PCDHA4: variants seen among roughly 807,000 people sequenced by gnomAD.
PCDHA4 encodes protocadherin alpha 4.
PCDHA4 carries 49 observed loss-of-function variants against 61.4 expected under a neutral mutation model. That is an observed-to-expected ratio of 0.80 (90% CI 0.63 to 1.01). The LOEUF is 1.01. Ranked by LOEUF, PCDHA4 falls within the 50% of genes least tolerant of loss-of-function variation. PCDHA4 has a pLI of 0.00. For missense variants in PCDHA4, 1,254 were observed against 1,235.8 expected (o/e 1.01, Z -0.22); for synonymous variants, 590 against 550.3 (o/e 1.07, Z -1.01).
chr5:140,892,304 G>A (rs1301333753), intron 1 of PCDHA4, among the ~76,000 whole-genome samples: 1 of 152,004 alleles, frequency 6.6e-6, no homozygotes, highest in East Asian at 1.9e-4. Context: ...AAATAATTTG[G>A]GGCTTATAAC....
intron 1 of PCDHA4, chr5:140,968,479 C>T (rs2096250195): frequency 1.2e-6 from 2 of 1,614,010 alleles, no homozygotes; most frequent in South Asian, 2.2e-5. Flanking sequence ...ATGTGGTGGA[C>T]ATGAATGACC....
Position 140,807,398 on chromosome 5 carries a change from C to G in PCDHA4, c.211C>G (p.Arg71Gly). Residue 71 changes from arginine to glycine, a missense_variant, in exon 1 of 4, where the codon CGC becomes GGC. Arg to Gly is a moderately radical substitution (Grantham distance 125). Transcript: ENST00000530339. ...PRLFRVASKG[R>G]GGLLEVNLQN... ...CCTGTTCCGGGTGGCGTCCAAGGGC[C>G]GCGGAGGCCTTCTGGAGGTAAATCT... is the stretch of plus-strand genomic sequence containing the variant. 2.0e-6 allele frequency: 3 copies of G among 1,498,068 alleles called. 1 individual carries two copies. The highest frequency in any genetic ancestry group is 2.7e-6 in the Non-Finnish European group (3 of 1,094,234). 92.8% of individuals were successfully genotyped at this position (1,498,068 alleles called of 1,614,324 possible).
chr5:140,808,534 C>T lies in PCDHA4; in HGVS notation c.1347C>T (p.Asn449=), dbSNP rs782551225. 37 of 1,614,028 alleles carry T rather than the reference C, an allele frequency of 2.3e-5. No individual in the cohort carries two copies. The highest frequency in any genetic ancestry group is 3.1e-5 in the Non-Finnish European group (36 of 1,180,044). Residue 449 remains asparagine (N), a synonymous_variant, in exon 1 of 4, where the codon AAC becomes AAT. Transcript: ENST00000530339. ...TTTCTGTGGAGGTGGCTGATGTGAA[C>T]GACAACGCTCCGGCGTTCGCGCAGC... is the stretch of plus-strand genomic sequence containing the variant. ...ASVSVEVADV[N]DNAPAFAQPE... is the part of the protein sequence containing the mutation.
intron 1 of PCDHA4, among the ~76,000 whole-genome samples, chr5:140,907,040 G>A (rs781947448): frequency 1.4e-4 from 21 of 152,290 alleles, no homozygotes; most frequent in Non-Finnish European, 2.4e-4. Context: ...ATGTCACAGG[G>A]ACAGTAAGCA....
intron 1 of PCDHA4, chr5:140,850,292 C>A: frequency 6.3e-7 from 1 of 1,596,038 alleles, no homozygotes; most frequent in Non-Finnish European, 8.6e-7. Flanking sequence ...CAGTGGACGC[C>A]GACTCGGGCT....
intron 1 of PCDHA4, among the ~76,000 whole-genome samples, chr5:140,899,285 A>T (rs2067252506): frequency 6.6e-6 from 1 of 152,132 alleles, no homozygotes; most frequent in African/African-American, 2.4e-5. Context: ...CAAAGGGAAT[A>T]CTTCCAGTTT....
intron 1 of PCDHA4, chr5:140,883,837 G>A (rs1554180178): frequency 6.2e-7 from 1 of 1,612,730 alleles, no homozygotes; most frequent in East Asian, 2.2e-5. Context: ...TGCAGCCGTT[G>A]GACCACGAGG....
chr5:140,823,620 C>A, intron 1 of PCDHA4: 3 of 1,614,040 alleles, frequency 1.9e-6, no homozygotes, highest in South Asian at 1.1e-5. Context: ...CAGCGCCTGG[C>A]AGTGCGCGCA....
intron 1 of PCDHA4, chr5:140,966,628 C>G (rs944715570): frequency 7.9e-5 from 76 of 964,108 alleles, no homozygotes; most frequent in Non-Finnish European, 1.0e-4. Flanking sequence ...GGGAGCGGCC[C>G]CAGGCGCTTT....
chr5:140,904,397 T>G (rs2071090298), intron 1 of PCDHA4, among the ~76,000 whole-genome samples: 1 of 151,416 alleles, frequency 6.6e-6, no homozygotes, highest in East Asian at 1.9e-4. Flanking sequence ...TATTCCATGG[T>G]GTATTATATA....
At chr5:140,963,714 A>G (rs1554226741) in intron 1 of PCDHA4, among the ~76,000 whole-genome samples, 2 of 152,260 alleles carry the variant, frequency 1.3e-5, no homozygotes, top group Admixed American at 6.5e-5. Context: ...GCCATGCTAC[A>G]TATAGACTGC....
At position 140,808,692 on chromosome 5, in the gene PCDHA4, G is replaced by A. The variant is rs555898168; in HGVS notation, c.1505G>A (p.Arg502His). 13 of 1,612,220 alleles carry A rather than the reference G, an allele frequency of 8.1e-6. No individual in the cohort carries two copies. The African/African-American group carries it at 1.5e-4, about 18-fold the overall frequency. Reference protein sequence around the residue: ...YSLVERRVGERALSSYVSVHA... With the variant: ...YSLVERRVGEHALSSYVSVHA... ...CTGGTAGAGCGGCGGGTAGGGGAGC[G>A]CGCGCTGTCGAGCTACGTTTCGGTG... Residue 502 changes from arginine to histidine, a missense_variant, in exon 1 of 4, where the codon CGC becomes CAC. Transcript: ENST00000530339.
intron 1 of PCDHA4, chr5:140,830,284 G>A (rs536478075): frequency 3.1e-6 from 5 of 1,613,734 alleles, no homozygotes; most frequent in Admixed American, 1.7e-5. Context: ...CCGAGGGCGC[G>A]TGCACGGCGG....
Position 140,807,937 on chromosome 5 carries a change from A to G in PCDHA4, c.750A>G (p.Arg250=). 1 of 1,614,110 alleles carries G rather than the reference A, an allele frequency of 6.2e-7. No homozygotes were observed. Among genetic ancestry groups the G allele is most frequent in the Non-Finnish European group, 8.5e-7 (1 of 1,179,986 alleles). Residue 250 remains arginine (R), a synonymous_variant, in exon 1 of 4, where the codon AGA becomes AGG. Transcript: ENST00000530339. ...TTGACAGAACCATTTATAAGGTGAG[A>G]TTACTAGAAAATGTTCCTAATGGAA... is the stretch of plus-strand genomic sequence containing the variant. ...PAFDRTIYKV[R]LLENVPNGTL...
chr5:140,853,741 G>C, intron 1 of PCDHA4: 1 of 988,438 alleles, frequency 1.0e-6, no homozygotes, highest in East Asian at 1.1e-4. Flanking sequence ...TGAATGTTCT[G>C]GTTCAAGGCT....
intron 1 of PCDHA4, among the ~76,000 whole-genome samples, chr5:140,923,382 G>A (rs1554201427): frequency 6.6e-6 from 1 of 152,114 alleles, no homozygotes; most frequent in Non-Finnish European, 1.5e-5. Context: ...TTAAAAATTA[G>A]TTGGGCATGG....
chr5:140,877,488 C>A lies in PCDHA4; in HGVS notation c.2385+67916C>A, dbSNP rs781785108. On this transcript the variant is annotated intron_variant, in intron 1 of 3. Coordinates refer to ENST00000530339, the MANE Select transcript of PCDHA4 (RefSeq NM_018907.4). ...CGGTGCTGGTGTCGCTGGTGGAGAACGGCCAGGCCCCAAAGACGTCGTCGC... is the reference window on the plus strand; with the variant it reads ...CGGTGCTGGTGTCGCTGGTGGAGAAAGGCCAGGCCCCAAAGACGTCGTCGC... The A allele has an allele frequency of 2.5e-6, 4 of 1,613,736 alleles. No individual in the cohort carries two copies. The African/African-American group carries it at 5.3e-5, about 22-fold the overall frequency.
At chr5:140,952,410 T>C (rs2094741343) in intron 1 of PCDHA4, among the ~76,000 whole-genome samples, 1 of 151,978 alleles carries the variant, frequency 6.6e-6, no homozygotes, top group Non-Finnish European at 1.5e-5. Flanking sequence ...TCAAATTTAA[T>C]GTTCCGCAGA....
At chr5:140,910,067 G>C (rs868941459) in intron 1 of PCDHA4, among the ~76,000 whole-genome samples, 1 of 152,194 alleles carries the variant, frequency 6.6e-6, no homozygotes, top group Non-Finnish European at 1.5e-5. Flanking sequence ...TTTTAACAGC[G>C]TAAATTGTTG....
Sources: gnomAD v4.1 joint callset for allele counts (sites outside exome capture counted in the v4.1 genomes callset) on GRCh38, gnomAD v4.1.1 for gene constraint, MANE v1.5 for transcripts, NCBI Gene and HGNC (gene_info 2026-07-23, HGNC 2026-07-21) for gene names.